The following DOK6 variants were observed in gnomAD, a reference collection of about 807,000 sequenced individuals.
The protein encoded by DOK6 is docking protein 6.
DOK6 carries 22 observed loss-of-function variants against 44.0 expected under a neutral mutation model. That is an observed-to-expected ratio of 0.50 (90% CI 0.36 to 0.71). DOK6 has a LOEUF of 0.71. Ranked by LOEUF, DOK6 falls within the 30% of genes least tolerant of loss-of-function variation. The pLI is 0.00. For synonymous variants in DOK6, 166 were observed against 145.5 expected, an observed-to-expected ratio of 1.14 and a Z score of -1.01; for missense variants, 340 against 416.4, an observed-to-expected ratio of 0.82 and a Z score of 1.60.
At chr18:69,638,327 A>G (rs1211249718) in intron 3 of DOK6, among the ~76,000 whole-genome samples, 1 of 152,238 alleles carries the variant, frequency 6.6e-6, no homozygotes, top group Non-Finnish European at 1.5e-5. Flanking sequence ...TTGCCTGATT[A>G]TAAGAATTAT....
At chr18:69,412,885 C>T (rs756918336) in intron 1 of DOK6, among the ~76,000 whole-genome samples, 9 of 151,980 alleles carry the variant, frequency 5.9e-5, no homozygotes, top group Non-Finnish European at 8.8e-5. Flanking sequence ...AACCTAGGAC[C>T]GACTTTGAGT....
intron 3 of DOK6, among the ~76,000 whole-genome samples, chr18:69,613,887 A>C (rs1984221682): frequency 6.6e-6 from 1 of 151,504 alleles, no homozygotes; most frequent in Admixed American, 6.6e-5. Flanking sequence ...TTCCACATGA[A>C]AAATTGTAAA....
At chr18:69,761,546 T>C (rs1046188917) in intron 7 of DOK6, among the ~76,000 whole-genome samples, 2 of 152,132 alleles carry the variant, frequency 1.3e-5, no homozygotes, top group Non-Finnish European at 2.9e-5. Flanking sequence ...ACTTCTGTTT[T>C]CTGTAACTGC....
chr18:69,752,300 A>G (rs1979209510), intron 6 of DOK6, among the ~76,000 whole-genome samples: 1 of 152,204 alleles, frequency 6.6e-6, no homozygotes, highest in African/African-American at 2.4e-5. Flanking sequence ...TTAAAATGTG[A>G]ACACCAAATA....
At chr18:69,739,780 G>A (rs976411471) in intron 6 of DOK6, among the ~76,000 whole-genome samples, 6 of 152,262 alleles carry the variant, frequency 3.9e-5, no homozygotes, top group African/African-American at 1.4e-4. Flanking sequence ...CTTAAGAGAT[G>A]AGTATTGTTT....
intron 1 of DOK6, among the ~76,000 whole-genome samples, chr18:69,514,630 C>T (rs919467832): frequency 2.6e-5 from 4 of 151,744 alleles, no homozygotes; most frequent in Admixed American, 6.6e-5. Context: ...ATATTGGGAA[C>T]AAAATCATGA....
intron 1 of DOK6, among the ~76,000 whole-genome samples, chr18:69,447,066 G>C (rs917747101): frequency 7.9e-5 from 12 of 152,106 alleles, no homozygotes; most frequent in Admixed American, 5.2e-4. Flanking sequence ...TAATTAGATC[G>C]CATTTGTCAA....
chr18:69,753,645 T>C (rs1599306479), intron 6 of DOK6, among the ~76,000 whole-genome samples: 1 of 152,198 alleles, frequency 6.6e-6, no homozygotes. Flanking sequence ...TGATGGCAAG[T>C]ATATCAAGAA....
chr18:69,501,487 A>G (rs145859381), intron 1 of DOK6, among the ~76,000 whole-genome samples: 2,771 of 152,234 alleles, frequency 0.018, 43 homozygotes, highest in Middle Eastern at 0.027. Context: ...CATCAGTTCA[A>G]TATCTTTTCT....
At chr18:69,736,026 TC>T (rs1978593340) in intron 5 of DOK6, among the ~76,000 whole-genome samples, 4 of 152,192 alleles carry the variant, frequency 2.6e-5, no homozygotes, top group Admixed American at 2.6e-4. Context: ...CTCAGATTGA[TC>T]CCCAGTTGTC....
intron 7 of DOK6, among the ~76,000 whole-genome samples, chr18:69,802,316 T>G (rs755865264): frequency 9.9e-5 from 15 of 152,186 alleles, no homozygotes; most frequent in South Asian, 2.1e-4. Flanking sequence ...GAAAGCCACA[T>G]GCATTCGGTA....
intron 1 of DOK6, among the ~76,000 whole-genome samples, chr18:69,406,603 A>G (rs1287190255): frequency 6.6e-6 from 1 of 152,224 alleles, no homozygotes; most frequent in East Asian, 1.9e-4. Context: ...TTAGAAAACA[A>G]AGATAATACT....
intron 4 of DOK6, among the ~76,000 whole-genome samples, chr18:69,696,535 G>T (rs1042899278): frequency 2.6e-5 from 4 of 152,156 alleles, no homozygotes; most frequent in Non-Finnish European, 4.4e-5. Context: ...AAAATGTAAA[G>T]AAATGTTTTA....
chr18:69,443,876 G>T (rs1412228688), intron 1 of DOK6, among the ~76,000 whole-genome samples: 3 of 152,044 alleles, frequency 2.0e-5, no homozygotes, highest in African/African-American at 7.2e-5. Context: ...TCAGAGTGGA[G>T]GTCAAGTCTG....
chr18:69,613,830 C>T (rs1231198783), intron 3 of DOK6, among the ~76,000 whole-genome samples: 1 of 151,538 alleles, frequency 6.6e-6, no homozygotes, highest in Admixed American at 6.6e-5. Context: ...TTTATAGGTT[C>T]TTCCCTCCAA....
intron 3 of DOK6, among the ~76,000 whole-genome samples, chr18:69,648,989 G>A (rs368114732): frequency 7.9e-5 from 12 of 152,236 alleles, no homozygotes; most frequent in East Asian, 3.9e-4. Flanking sequence ...CACTAGATAC[G>A]ATATTATTAG....
At chr18:69,735,069 A>T (rs1291004326) in intron 5 of DOK6, among the ~76,000 whole-genome samples, 1 of 152,200 alleles carries the variant, frequency 6.6e-6, no homozygotes, top group Non-Finnish European at 1.5e-5. Flanking sequence ...CCTCCTCTGG[A>T]GTTCGGTTTC....
At chr18:69,679,699 G>A (rs967934222) in intron 4 of DOK6, among the ~76,000 whole-genome samples, 1 of 152,138 alleles carries the variant, frequency 6.6e-6, no homozygotes, top group African/African-American at 2.4e-5. Context: ...GAAATACTGT[G>A]CCTCTTGTAG....
At chr18:69,773,943 CA>C (rs963736959) in intron 7 of DOK6, among the ~76,000 whole-genome samples, 87 of 148,422 alleles carry the variant, frequency 5.9e-4, no homozygotes, top group African/African-American at 2.1e-3. Context: ...AGTCATTATA[CA>C]AAAAAAAGAT....
Sources: gnomAD v4.1 joint callset for allele counts (sites outside exome capture counted in the v4.1 genomes callset) on GRCh38, gnomAD v4.1.1 for gene constraint, MANE v1.5 for transcripts, NCBI Gene and HGNC (gene_info 2026-07-23, HGNC 2026-07-21) for gene names.